Variants in CYP2S1 observed in about 807,000 individuals in gnomAD.
The protein encoded by CYP2S1 is cytochrome P450 2S1.
Under a neutral mutation model 43.5 loss-of-function variants are expected in CYP2S1, and 32 were observed. The ratio of observed to expected loss-of-function variants is 0.74; its 90% CI spans 0.56 to 0.99. CYP2S1 has a LOEUF of 0.99. Among genes scored for constraint, CYP2S1 ranks in the 50% least tolerant of loss-of-function variants. The probability of loss-of-function intolerance (pLI) is 0.00; values close to 1 mark genes in which losing one functional copy is unlikely to be tolerated. For missense variants in CYP2S1, 575 were observed against 673.9 expected, an observed-to-expected ratio of 0.85 and a Z score of 1.62; for synonymous variants, 283 against 302.9, an observed-to-expected ratio of 0.93 and a Z score of 0.68.
Position 41,197,885 on chromosome 19 carries a change from G to C in CYP2S1, c.450G>C (p.Gln150His). ...MGKREGEELI[Q>H]AEARCLVETF... ...AGCGAGAAGGCGAGGAGCTGATCCA[G>C]GCGGAGGCCCGGTGTCTGGTGGAGA... Residue 150 changes from glutamine to histidine, a missense_variant, in exon 3 of 9, where the codon CAG becomes CAC. Gln to His is a conservative substitution (Grantham distance 24, BLOSUM62 0). Coordinates refer to ENST00000310054, the MANE Select transcript of CYP2S1 (RefSeq NM_030622.8). 1.2e-6 allele frequency: 2 copies of C among 1,614,088 alleles called. No individual in the cohort carries two copies. Among genetic ancestry groups the C allele is most frequent in the Non-Finnish European group, 1.7e-6 (2 of 1,180,008 alleles).
rs374379360 is a variant in CYP2S1 at position 41,203,432 on chromosome 19, C to T, written c.977-18C>T. ...GGGCCCTACCCCCGTCTGACTCCTG[C>T]CCTCCTCTTGCTTGCAGAGTGGGTA... is the stretch of plus-strand genomic sequence containing the variant. On this transcript the variant is annotated intron_variant, in intron 6 of 8. Transcript: ENST00000310054. 725 of 1,579,028 alleles carry T rather than the reference C, an allele frequency of 4.6e-4. 1 individual carries two copies. The highest frequency in any genetic ancestry group is 6.0e-4 in the Non-Finnish European group (699 of 1,161,136).
At chr19:41,203,398 A>G (rs1265615702) in intron 6 of CYP2S1, 52 bp from the exon 7 acceptor site, 32 of 1,497,254 alleles carry the variant, frequency 2.1e-5, no homozygotes, top group Non-Finnish European at 2.0e-5. Context: ...TTCTGAGAGG[A>G]GGATCCCTGG....
chr19:41,197,971 A>G, intron 3 of CYP2S1, 43 bp downstream of exon 3: 3 of 1,570,530 alleles, frequency 1.9e-6, no homozygotes, highest in South Asian at 1.2e-5. Flanking sequence ...GCCGAGTGAA[A>G]GGGAAAACTC....
chr19:41,195,002 G>A (rs1365638865), intron 2 of CYP2S1, among the ~76,000 whole-genome samples: 2 of 152,182 alleles, frequency 1.3e-5, no homozygotes, highest in Admixed American at 6.5e-5. Flanking sequence ...TGTAATCCCA[G>A]ATACTTGGGA....
chr19:41,203,733 T>C, intron 7 of CYP2S1, 96 bp downstream of exon 7: 2 of 1,268,636 alleles, frequency 1.6e-6, no homozygotes, highest in Non-Finnish European at 2.1e-6. Flanking sequence ...TTCTTGATCT[T>C]AGTGTCTCTC....
intron 7 of CYP2S1, among the ~76,000 whole-genome samples, chr19:41,205,378 C>CTTTCT (rs764157412): frequency 8.9e-6 from 1 of 112,302 alleles, no homozygotes; most frequent in South Asian, 2.5e-4. Flanking sequence ...TTCTTTCTTT[C>CTTTCT]TTTCTCTCTC....
rs200261766 is a variant in CYP2S1 at position 41,206,663 on chromosome 19, A to G, written c.*175A>G. On this transcript the variant is annotated 3_prime_UTR_variant, in exon 9 of 9. Transcript: ENST00000310054. ...ACACGCTCACTTGACTCATGCTGCT[A>G]AGATGCACAACCGCACACCCATACA... The G allele has an allele frequency of 6.1e-4, 526 of 858,270 alleles. 3 individuals are homozygous for G. Among genetic ancestry groups the G allele is most frequent in the South Asian group, 1.1e-3 (83 of 75,588 alleles). The allele number at this position is 858,270 out of a possible 1,614,324, so 53.2% of individuals were successfully genotyped here. A position where few individuals can be genotyped will look rare whatever the true frequency, so the allele number is the denominator to read the frequency against.
rs2033577409 is a variant in CYP2S1, at chr19:41,206,329, C to T, written c.1356C>T (p.Leu452=). 6.2e-7 allele frequency: 1 copy of T among 1,614,024 alleles called. No homozygotes were observed. The highest frequency in any genetic ancestry group is 1.7e-5 in the Admixed American group (1 of 59,988). ...GEGLAKAELF[L]FFTTILQAFS... is the part of the protein sequence containing the mutation. The stretch of plus-strand genomic sequence containing the variant: ...GCCTGGCAAAAGCGGAGCTCTTCCT[C>T]TTCTTCACCACCATCCTACAAGCCT... Residue 452 remains leucine, a synonymous_variant, in exon 9 of 9, where the codon CTC becomes CTT. Coordinates refer to ENST00000310054, the MANE Select transcript of CYP2S1 (RefSeq NM_030622.8).
At chr19:41,201,469 G>C in intron 6 of CYP2S1, 97 bp downstream of exon 6, 1 of 1,476,580 alleles carries the variant, frequency 6.8e-7, no homozygotes, top group Non-Finnish European at 9.1e-7. Flanking sequence ...ACTTTGGGAG[G>C]CTGAGGCGGG....
Position 41,206,396 on chromosome 19 carries a change from A to C in CYP2S1, c.1423A>C (p.Lys475Gln). 1 of 1,614,004 alleles carries C rather than the reference A, an allele frequency of 6.2e-7. No homozygotes were observed. Among genetic ancestry groups the C allele is most frequent in the Non-Finnish European group, 8.5e-7 (1 of 1,179,996 alleles). The change falls in exon 9 of 9, where the codon AAG becomes CAG. Residue 475 changes from lysine to glutamine, a missense_variant. Physicochemically the swap from Lys to Gln is moderately conservative, Grantham distance 53. Coordinates refer to ENST00000310054, the MANE Select transcript of CYP2S1 (RefSeq NM_030622.8). ...GTGCCCGCCGGACACCCTGAGCCTC[A>C]AGCCCACCGTCAGTGGCCTTTTCAA... ...SPCPPDTLSL[K>Q]PTVSGLFNIP...
At chr19:41,203,262 A>G (rs2033514357) in intron 6 of CYP2S1, among the ~76,000 whole-genome samples, 188 bp from the exon 7 acceptor site, 1 of 152,052 alleles carries the variant, frequency 6.6e-6, no homozygotes, top group South Asian at 2.1e-4. Flanking sequence ...AAAATAAGAG[A>G]GAGAGAAGAT....
chr19:41,199,956 G>A (rs2033466888), intron 5 of CYP2S1, among the ~76,000 whole-genome samples: 1 of 143,638 alleles, frequency 7.0e-6, no homozygotes, highest in Non-Finnish European at 1.5e-5. Flanking sequence ...GGCAACAAGA[G>A]CGAAATTCCA....
chr19:41,205,414 T>C lies in CYP2S1; in HGVS notation c.1165-544T>C, dbSNP rs12986000. Among the ~76,000 whole-genome samples, 39 of 60,832 alleles carry C rather than the reference T, an allele frequency of 6.4e-4. No homozygotes were observed. The African/African-American group carries it at 7.8e-3, about 12-fold the overall frequency. The allele number at this position is 60,832 out of a possible 152,430, so 39.9% of individuals were successfully genotyped here. On this transcript the variant is annotated intron_variant, in intron 7 of 8. Coordinates refer to ENST00000310054, the MANE Select transcript of CYP2S1 (RefSeq NM_030622.8). ...TCTCTTTCTTTCTCTCTTTCTTTCT[T>C]TCTTTCTCTCTCTCTCTCTTTCTTT...
In CYP2S1 at chr19:41,198,070, G is replaced by C; in HGVS notation, c.493+142G>C. On this transcript the variant is annotated intron_variant, in intron 3 of 8. Transcript: ENST00000310054. This position sits in a 1 kb window ranked among gnomAD's most constrained non-coding sequence, Gnocchi z 4.9. ...ACTCTAGGGCTGGCCTGGGGGTTCT[G>C]TTCACTGCCACCTTCTGTCTCTGTC... 1 of 1,190,944 alleles carries C rather than the reference G, an allele frequency of 8.4e-7. No homozygotes were observed. Among genetic ancestry groups the C allele is most frequent in the Non-Finnish European group, 1.1e-6 (1 of 874,778 alleles). The allele number at this position is 1,190,944 out of a possible 1,614,324, so 73.8% of individuals were successfully genotyped here. A position where few individuals can be genotyped will look rare whatever the true frequency, so the allele number is the denominator to read the frequency against.
intron 7 of CYP2S1, among the ~76,000 whole-genome samples, chr19:41,204,733 G>A (rs2033541050): frequency 6.6e-6 from 1 of 151,644 alleles, no homozygotes; most frequent in South Asian, 2.1e-4. Context: ...GGGTAGCTGG[G>A]ATTACAGGTG....
At chr19:41,196,522 C>T (rs1473679724) in intron 2 of CYP2S1, among the ~76,000 whole-genome samples, 6 of 151,728 alleles carry the variant, frequency 4.0e-5, no homozygotes, top group Admixed American at 6.6e-5. Flanking sequence ...GGGAGGTCCG[C>T]GGTGATGGAC....
rs181918511 is a variant in CYP2S1, at chr19:41,198,563, C to A, written c.595C>A (p.Gln199Lys). Residue 199 changes from glutamine (Q) to lysine (K), a missense_variant, in exon 4 of 9, where the codon CAG (glutamine) becomes AAG (lysine). By Grantham distance (53) the Gln-to-Lys change is moderately conservative. Coordinates refer to ENST00000310054, the MANE Select transcript of CYP2S1 (RefSeq NM_030622.8). The surrounding 1 kb of genome is among the most constrained non-coding windows in gnomAD (Gnocchi z 4.9). ...CTTCTCCTATGAGGATAAGGAGTTC[C>A]AGGCCGTGGTCCGGGCAGCTGGTGG... ...LRFSYEDKEF[Q>K]AVVRAAGGTL... 6.2e-7 allele frequency: 1 copy of A among 1,614,090 alleles called. No homozygotes were observed. The highest frequency in any genetic ancestry group is 1.3e-5 in the African/African-American group (1 of 74,928).
In CYP2S1 at chr19:41,198,788, C is replaced by G. The variant is rs1244227065; in HGVS notation, c.734C>G (p.Ala245Gly). 6.2e-7 allele frequency: 1 copy of G among 1,614,234 alleles called. No individual in the cohort carries two copies. The highest frequency in any genetic ancestry group is 1.3e-5 in the African/African-American group (1 of 75,076). Reference protein sequence around the residue: ...KQLLHHVSTLAAFTVRQVQQH... With the variant: ...KQLLHHVSTLGAFTVRQVQQH... Reference sequence around the variant, plus strand: ...CTCCTCCACCACGTCAGCACCTTGGCTGCCTTCACAGTCCGGCAGGTGCAG... The same window carrying G: ...CTCCTCCACCACGTCAGCACCTTGGGTGCCTTCACAGTCCGGCAGGTGCAG... The change falls in exon 5 of 9, where the codon GCT becomes GGT. Residue 245 changes from alanine (A) to glycine (G), a missense_variant. Ala to Gly is a moderately conservative substitution (Grantham distance 60). This residue lies in a region of CYP2S1 where 353 missense variants were observed against 367.6 expected (regional missense o/e 0.96). Transcript: ENST00000310054. This position sits in a 1 kb window ranked among gnomAD's most constrained non-coding sequence, Gnocchi z 4.9.
intron 2 of CYP2S1, among the ~76,000 whole-genome samples, chr19:41,194,977 A>G (rs910209481): frequency 8.5e-5 from 13 of 152,286 alleles, no homozygotes; most frequent in African/African-American, 3.1e-4. Context: ...TTAGCTGGGC[A>G]TGGTGGTGCG....
Sources: allele counts gnomAD v4.1 joint callset (sites outside exome capture counted in the v4.1 genomes callset), GRCh38; gene constraint gnomAD v4.1.1; regional missense constraint gnomAD v4.1.1; non-coding constraint Gnocchi (gnomAD v3.1); transcripts MANE v1.5; gene names NCBI Gene and HGNC (gene_info 2026-07-23, HGNC 2026-07-21).